SAMD12: variants seen among roughly 807,000 people sequenced by gnomAD.
SAMD12 encodes the protein sterile alpha motif domain-containing protein 12.
SAMD12 carries 9 observed loss-of-function variants against 15.0 expected under a neutral mutation model. The ratio of observed to expected loss-of-function variants is 0.60; its 90% CI spans 0.36 to 1.05. SAMD12 has a LOEUF of 1.05. SAMD12 is among the 50% of genes least tolerant of loss of function. The pLI is 0.01. For synonymous variants in SAMD12, 86 were observed against 90.1 expected (o/e 0.96, Z 0.25); for missense variants, 230 against 234.2 (o/e 0.98, Z 0.12).
intron 3 of SAMD12, among the ~76,000 whole-genome samples, chr8:118,420,417 T>C (rs1002211567): frequency 3.3e-5 from 5 of 152,186 alleles, no homozygotes; most frequent in African/African-American, 9.6e-5. Context: ...GGACCAGATG[T>C]ACAATGTATC....
chr8:118,382,179 C>T (rs1057147479), intron 3 of SAMD12, among the ~76,000 whole-genome samples: 6 of 152,180 alleles, frequency 3.9e-5, no homozygotes, highest in Non-Finnish European at 2.9e-5. Context: ...CCTGAAGCTC[C>T]GATGATCTTA....
chr8:118,549,583 A>C (rs1267739431), intron 2 of SAMD12, among the ~76,000 whole-genome samples: 1 of 152,230 alleles, frequency 6.6e-6, no homozygotes. Flanking sequence ...GATGGGGAAA[A>C]AACAGAGCAG....
intron 2 of SAMD12, among the ~76,000 whole-genome samples, chr8:118,492,037 T>A (rs1427176475): frequency 6.6e-6 from 1 of 152,136 alleles, no homozygotes; most frequent in Non-Finnish European, 1.5e-5. Flanking sequence ...AATTGCCAAG[T>A]TTTCCAAAGT....
In SAMD12 at chr8:118,276,054, G is replaced by A. The variant is rs138899715; in HGVS notation, c.434-78322C>T. ...GTGTATACAAAATAGATTCTTCAAC[G>A]TTTGTTGAAACCTTATGCTCCAGAA... On this transcript the variant is annotated intron_variant, in intron 4 of 4. Transcript: ENST00000409003. Among the ~76,000 whole-genome samples, 993 of 152,214 alleles carry A rather than the reference G, an allele frequency of 6.5e-3. 12 individuals are homozygous for A. Among genetic ancestry groups the A allele is most frequent in the African/African-American group, 0.023 (941 of 41,532 alleles).
intron 2 of SAMD12, among the ~76,000 whole-genome samples, chr8:118,542,737 C>G (rs1224053002): frequency 1.3e-5 from 2 of 152,170 alleles, no homozygotes; most frequent in Non-Finnish European, 2.9e-5. Flanking sequence ...TACCATTTAA[C>G]AAAATGCATT....
chr8:118,204,373 C>T (rs1435091142), intron 4 of SAMD12, among the ~76,000 whole-genome samples: 4 of 152,064 alleles, frequency 2.6e-5, no homozygotes, highest in Admixed American at 6.5e-5. Context: ...AAGAATTTGA[C>T]GAAGAGAAGC....
At chr8:118,231,168 G>A (rs1019924254) in intron 4 of SAMD12, among the ~76,000 whole-genome samples, 3 of 152,158 alleles carry the variant, frequency 2.0e-5, no homozygotes, top group African/African-American at 7.2e-5. Context: ...CTGGCACAGA[G>A]TAGATGATAA....
intron 3 of SAMD12, among the ~76,000 whole-genome samples, chr8:118,438,837 C>T (rs1023543537): frequency 3.3e-5 from 5 of 152,000 alleles, no homozygotes; most frequent in Admixed American, 2.0e-4. Context: ...AAAGCATTTT[C>T]TCAGAAAAAA....
At chr8:118,132,918 T>C in the SAMD12 span, among the ~76,000 whole-genome samples, 1 of 142,166 alleles carries the variant, frequency 7.0e-6, no homozygotes, top group South Asian at 2.2e-4. Context: ...TGAGAGAATA[T>C]TTATTCTGGT....
At chr8:118,554,028 A>C (rs1157725940) in intron 2 of SAMD12, among the ~76,000 whole-genome samples, 2 of 152,098 alleles carry the variant, frequency 1.3e-5, no homozygotes, top group Non-Finnish European at 2.9e-5. Context: ...AAAAGTCAGG[A>C]AACAACAGGT....
chr8:118,281,115 T>C (rs1813630067), intron 4 of SAMD12, among the ~76,000 whole-genome samples: 1 of 152,206 alleles, frequency 6.6e-6, no homozygotes, highest in African/African-American at 2.4e-5. Context: ...TTTAGAAATA[T>C]GGAAACCGAG....
chr8:118,220,633 G>A (rs984999959), intron 4 of SAMD12, among the ~76,000 whole-genome samples: 3 of 152,090 alleles, frequency 2.0e-5, no homozygotes, highest in African/African-American at 7.2e-5. Context: ...CAAACCCTAG[G>A]AGTCAGTTGC....
At chr8:118,608,498 G>C (rs903808027) in intron 1 of SAMD12, among the ~76,000 whole-genome samples, 2 of 151,962 alleles carry the variant, frequency 1.3e-5, no homozygotes, top group East Asian at 3.9e-4. Flanking sequence ...AGGATAGAAG[G>C]ATCTGTGTTT....
intron 4 of SAMD12, among the ~76,000 whole-genome samples, chr8:118,217,365 C>A (rs2451128): frequency 0.5 from 75,968 of 152,022 alleles, 20,796 homozygotes; most frequent in Non-Finnish European, 0.62. Flanking sequence ...GATCAGTATC[C>A]CTACAAAACC....
At chr8:118,492,318 C>G (rs1272336113) in intron 2 of SAMD12, among the ~76,000 whole-genome samples, 1 of 151,998 alleles carries the variant, frequency 6.6e-6, no homozygotes, top group Non-Finnish European at 1.5e-5. Flanking sequence ...GTTGTTTCTA[C>G]TTTTAAAAAG....
At position 118,539,204 on chromosome 8, in the gene SAMD12, G is replaced by C. The variant is rs554583531; in HGVS notation, c.192+41511C>G. Among the ~76,000 whole-genome samples, 44 of 152,320 alleles carry C rather than the reference G, an allele frequency of 2.9e-4. 1 individual carries two copies. In the South Asian group the frequency reaches 8.7e-3, roughly 30 times the overall value. On this transcript the variant is annotated intron_variant, in intron 2 of 3. Transcript: ENST00000314727. ...AGATATACCTGCCAAGATCTGCTTTGCATTTGCTCAGAGATGGAATCACGA... is the reference window on the plus strand; with the variant it reads ...AGATATACCTGCCAAGATCTGCTTTCCATTTGCTCAGAGATGGAATCACGA...
chr8:118,526,377 C>G (rs1825536864), intron 2 of SAMD12, among the ~76,000 whole-genome samples: 1 of 152,054 alleles, frequency 6.6e-6, no homozygotes. Flanking sequence ...CCCAACCTTG[C>G]TACCGATCAG....
chr8:118,336,775 A>G (rs917074654), intron 4 of SAMD12, among the ~76,000 whole-genome samples: 8 of 152,224 alleles, frequency 5.3e-5, no homozygotes, highest in Admixed American at 3.3e-4. Flanking sequence ...ATGTCCATCA[A>G]TGATAGACTG....
the SAMD12 span, among the ~76,000 whole-genome samples, chr8:118,180,599 G>T: frequency 6.6e-6 from 1 of 151,892 alleles, no homozygotes; most frequent in East Asian, 1.9e-4. Context: ...CTGAGACAGG[G>T]TCTCACTCTG....
Sources: gnomAD v4.1 joint callset for allele counts (sites outside exome capture counted in the v4.1 genomes callset) on GRCh38, gnomAD v4.1.1 for gene constraint, MANE v1.5 for transcripts, NCBI Gene and HGNC (gene_info 2026-07-23, HGNC 2026-07-21) for gene names.